TINAG: variants seen among roughly 807,000 people sequenced by gnomAD.
The protein encoded by TINAG is tubulointerstitial nephritis antigen.
Under a neutral mutation model 72.7 loss-of-function variants are expected in TINAG, and 83 were observed. That is an observed-to-expected ratio of 1.14 (90% CI 0.96 to 1.37). TINAG has a LOEUF of 1.37. TINAG is among the 40% of genes most tolerant of loss of function. The probability of loss-of-function intolerance (pLI) is 0.00; values close to 1 mark genes in which losing one functional copy is unlikely to be tolerated. For missense variants in TINAG, 685 were observed against 576.6 expected (o/e 1.19, Z -1.93); for synonymous variants, 234 against 189.9 (o/e 1.23, Z -1.91).
At chr6:54,328,317 C>G (rs574694664) in intron 4 of TINAG, among the ~76,000 whole-genome samples, 33 of 152,120 alleles carry the variant, frequency 2.2e-4, no homozygotes, top group South Asian at 4.2e-4. Context: ...CTGGTGATAC[C>G]CAGGCAAACA....
intron 10 of TINAG, among the ~76,000 whole-genome samples, chr6:54,381,412 A>C (rs1162056306): frequency 6.6e-6 from 1 of 151,820 alleles, no homozygotes; most frequent in Non-Finnish European, 1.5e-5. Flanking sequence ...CATGGAATTT[A>C]AATTTAAATG....
chr6:54,343,413 A>C (rs1582722508), intron 5 of TINAG, 64 bp downstream of exon 5: 2 of 1,319,728 alleles, frequency 1.5e-6, no homozygotes, highest in East Asian at 5.5e-5. Context: ...GACTGAGAGA[A>C]TAATTGAACA....
intron 10 of TINAG, among the ~76,000 whole-genome samples, chr6:54,381,079 C>A (rs1291281288): frequency 6.8e-6 from 1 of 147,744 alleles, no homozygotes; most frequent in African/African-American, 2.5e-5. Context: ...TATATATATC[C>A]TATAGGATAT....
Position 54,363,899 on chromosome 6 carries a change from T to C in TINAG, c.1250+9263T>C, listed in dbSNP as rs1203143914. 2.0e-5 allele frequency among the ~76,000 whole-genome samples: 3 copies of C among 151,568 alleles called. No individual in the cohort carries two copies. The East Asian group carries it at 5.8e-4, about 29-fold the overall frequency. ...GGTATTCAAAGAGCATGCATAGAAA[T>C]TGGTCTTAGAGAGGGGACCAAGTGG... On this transcript the variant is annotated intron_variant, in intron 9 of 10. Coordinates refer to ENST00000259782, the MANE Select transcript of TINAG (RefSeq NM_014464.4).
At chr6:54,352,553 T>C (rs1785291813) in intron 8 of TINAG, among the ~76,000 whole-genome samples, 2 of 151,826 alleles carry the variant, frequency 1.3e-5, no homozygotes, top group Admixed American at 1.3e-4. Context: ...CTAATTTCAA[T>C]GCATGCTCCA....
chr6:54,367,875 C>T (rs1229998249), intron 9 of TINAG, among the ~76,000 whole-genome samples: 1 of 151,680 alleles, frequency 6.6e-6, no homozygotes, highest in Non-Finnish European at 1.5e-5. Flanking sequence ...TGATGAAGGG[C>T]CTGCTTTCTT....
At chr6:54,372,723 CATACATATATATATATAT>C (rs1408022864) in intron 9 of TINAG, among the ~76,000 whole-genome samples, 1 of 122,598 alleles carries the variant, frequency 8.2e-6, no homozygotes, top group African/African-American at 3.2e-5. Flanking sequence ...TATATAAATA[CATACATATATATATATAT>C]ATATATATAT....
intron 3 of TINAG, 87 bp from the exon 4 acceptor site, chr6:54,326,715 A>T (rs1784610044): frequency 1.0e-6 from 1 of 955,272 alleles, no homozygotes; most frequent in Non-Finnish European, 1.5e-6. Flanking sequence ...ATTAAATTTC[A>T]GAAATATAAA....
At chr6:54,342,400 C>G (rs575908173) in intron 4 of TINAG, among the ~76,000 whole-genome samples, 4 of 151,220 alleles carry the variant, frequency 2.6e-5, no homozygotes, top group Non-Finnish European at 4.4e-5. Flanking sequence ...GCACTGTCGC[C>G]CAGGCTGGAG....
intron 9 of TINAG, among the ~76,000 whole-genome samples, chr6:54,373,201 A>C (rs1274357613): frequency 9.2e-5 from 8 of 86,960 alleles, no homozygotes; most frequent in Non-Finnish European, 5.8e-5. Flanking sequence ...CCAACCCCAC[A>C]CTTTTCCATT....
intron 5 of TINAG, among the ~76,000 whole-genome samples, chr6:54,345,427 A>C (rs1785097490): frequency 6.6e-6 from 1 of 152,126 alleles, no homozygotes; most frequent in Non-Finnish European, 1.5e-5. Flanking sequence ...ACGAGGCCCA[A>C]ATAGGTAAAG....
In TINAG at chr6:54,389,920, C is replaced by T. The variant is rs1396836875; in HGVS notation, c.1426C>T (p.Pro476Ser). 2 of 1,608,922 alleles carry T rather than the reference C, an allele frequency of 1.2e-6. No homozygotes were observed. The highest frequency in any genetic ancestry group is 1.7e-6 in the Non-Finnish European group (2 of 1,178,196). The change falls in exon 11 of 11, where the codon CCA (proline) becomes TCA (serine). Residue 476 changes from proline to serine, a missense_variant. Coordinates refer to ENST00000259782, the MANE Select transcript of TINAG (RefSeq NM_014464.4). Reference protein sequence around the residue: ...AWGQLTSSDEP With the variant: ...AWGQLTSSDES Reference sequence around the variant, plus strand: ...GGGCCAACTGACGAGTTCTGATGAACCATAACATATCATTAAATTTCCATA... The same window carrying T: ...GGGCCAACTGACGAGTTCTGATGAATCATAACATATCATTAAATTTCCATA...
chr6:54,338,697 G>A (rs1471750450), intron 4 of TINAG, among the ~76,000 whole-genome samples: 1 of 133,982 alleles, frequency 7.5e-6, no homozygotes, highest in Non-Finnish European at 1.5e-5. Context: ...GCACTCCCAG[G>A]CGACAGAGCA....
At chr6:54,373,655 G>A (rs1407101335) in intron 9 of TINAG, among the ~76,000 whole-genome samples, 1 of 152,048 alleles carries the variant, frequency 6.6e-6, no homozygotes, top group East Asian at 1.9e-4. Flanking sequence ...ACCATTAGCT[G>A]ACATGGACGA....
In TINAG at chr6:54,349,870, T is replaced by C. The variant is rs766873537; in HGVS notation, c.1054T>C (p.Ser352Pro). ...VEKSNRIYQC[S>P]PPYRVSSNET... Reference sequence around the variant, plus strand: ...AAAATCTAACAGGATCTATCAATGTTCTCCTCCATACAGAGTCTCTTCCAA... The same window carrying C: ...AAAATCTAACAGGATCTATCAATGTCCTCCTCCATACAGAGTCTCTTCCAA... The change falls in exon 7 of 11, where the codon TCT becomes CCT. Residue 352 changes from serine to proline, a missense_variant. Ser to Pro is a moderately conservative substitution (Grantham distance 74). Transcript: ENST00000259782. 7 of 1,606,342 alleles carry C rather than the reference T, an allele frequency of 4.4e-6. No individual in the cohort carries two copies. The highest frequency in any genetic ancestry group is 5.1e-6 in the Non-Finnish European group (6 of 1,175,378).
chr6:54,312,874 C>A (rs1784289654), intron 1 of TINAG, among the ~76,000 whole-genome samples: 1 of 152,000 alleles, frequency 6.6e-6, no homozygotes, highest in East Asian at 1.9e-4. Flanking sequence ...TCCATTTTCC[C>A]ATATCCCTTA....
At chr6:54,374,654 T>A (rs1763728210) in intron 9 of TINAG, among the ~76,000 whole-genome samples, 1 of 152,106 alleles carries the variant, frequency 6.6e-6, no homozygotes, top group South Asian at 2.1e-4. Flanking sequence ...GAACTAAGAC[T>A]CTATCTGTAG....
rs140637807 is a variant in TINAG, at chr6:54,380,522, G to A, written c.1251-4G>A. On this transcript the variant is annotated splice_polypyrimidine_tract_variant and splice_region_variant and intron_variant, in intron 9 of 10. Coordinates refer to ENST00000259782, the MANE Select transcript of TINAG (RefSeq NM_014464.4). Reference sequence around the variant, plus strand: ...CCAATCTTTATTATTGTTATTAATTGTAGATGGGGCACACTGAGAGGAGCA... The same window carrying A: ...CCAATCTTTATTATTGTTATTAATTATAGATGGGGCACACTGAGAGGAGCA... 5 of 1,607,816 alleles carry A rather than the reference G, an allele frequency of 3.1e-6. No individual in the cohort carries two copies. Among genetic ancestry groups the A allele is most frequent in the Non-Finnish European group, 4.2e-6 (5 of 1,176,512 alleles).
At chr6:54,338,945 T>TTTATTACCTCCTTTTG (rs1784933916) in intron 4 of TINAG, among the ~76,000 whole-genome samples, 1 of 152,106 alleles carries the variant, frequency 6.6e-6, no homozygotes, top group Non-Finnish European at 1.5e-5. Flanking sequence ...TCAGAACTAT[T>TTTATTACCTCCTTTTG]TTATTACCTC....
Sources: allele counts gnomAD v4.1 joint callset (sites outside exome capture counted in the v4.1 genomes callset), GRCh38; gene constraint gnomAD v4.1.1; transcripts MANE v1.5; gene names NCBI Gene and HGNC (gene_info 2026-07-23, HGNC 2026-07-21).